RANBP9: variants seen among roughly 807,000 people sequenced by gnomAD.
RANBP9 encodes RAN binding protein 9.
Under a neutral mutation model 84.3 loss-of-function variants are expected in RANBP9, and 15 were observed. That is an observed-to-expected ratio of 0.18 (90% CI 0.12 to 0.27). The LOEUF (loss-of-function observed/expected upper bound fraction) is 0.27, where lower values mean the gene tolerates loss of function less well. Ranked by LOEUF, RANBP9 falls within the 10% of genes least tolerant of loss-of-function variation. The pLI is 1.00. For synonymous variants in RANBP9, 392 were observed against 349.6 expected (o/e 1.12, Z -1.35); for missense variants, 809 against 912.8 (o/e 0.89, Z 1.46).
chr6:13,639,720 T>C lies in RANBP9; in HGVS notation c.1368A>G (p.Thr456=). The change falls in exon 9 of 14, where the codon ACA becomes ACG. Residue 456 remains threonine (T), a synonymous_variant. Transcript: ENST00000011619. ...CTCCCAAACATCGTACTTCACTATC[T>C]GTACCATTCACCATTTCTATAAACT... ...VRQFIEMVNG[T]DSEVRCLGGR... 1 of 1,614,108 alleles carries C rather than the reference T, an allele frequency of 6.2e-7. No individual in the cohort carries two copies. Among genetic ancestry groups the C allele is most frequent in the Non-Finnish European group, 8.5e-7 (1 of 1,179,972 alleles).
intron 1 of RANBP9, among the ~76,000 whole-genome samples, chr6:13,705,549 T>C (rs1242292562): frequency 6.6e-6 from 1 of 151,992 alleles, no homozygotes; most frequent in Non-Finnish European, 1.5e-5. Flanking sequence ...CAAGTAATTC[T>C]TCAATTCCTT....
chr6:13,658,904 T>C, intron 2 of RANBP9, 72 bp from the exon 3 acceptor site: 2 of 1,408,680 alleles, frequency 1.4e-6, no homozygotes, highest in Non-Finnish European at 2.0e-6. Context: ...TACCAAACAG[T>C]CTCAAACAAT....
intron 5 of RANBP9, among the ~76,000 whole-genome samples, chr6:13,651,247 G>C (rs1765288773): frequency 6.6e-6 from 1 of 152,032 alleles, no homozygotes; most frequent in Admixed American, 6.6e-5. Flanking sequence ...ACAGTGCCTT[G>C]GGTTTGGTAA....
chr6:13,632,400 G>T lies in RANBP9; in HGVS notation c.1917C>A (p.Gly639=). ...ACATTTTTTTGTTTGCAGTGTTCTT[G>T]CCACAGTCTCTCCTTAGCTGTTCAC... The part of the protein sequence containing the change: ...AMSEQLRRDC[G]KNTANKKMLK... The change falls in exon 12 of 14, where the codon GGC becomes GGA. Residue 639 remains glycine (G), a synonymous_variant. Coordinates refer to ENST00000011619, the MANE Select transcript of RANBP9 (RefSeq NM_005493.3). 6.2e-7 allele frequency: 1 copy of T among 1,612,546 alleles called. No individual in the cohort carries two copies. Among genetic ancestry groups the T allele is most frequent in the South Asian group, 1.1e-5 (1 of 90,818 alleles).
chr6:13,691,511 C>T (rs1766321110), intron 2 of RANBP9, among the ~76,000 whole-genome samples: 1 of 152,166 alleles, frequency 6.6e-6, no homozygotes, highest in South Asian at 2.1e-4. Flanking sequence ...AATACATTAA[C>T]ACCAGTTCTT....
chr6:13,696,957 C>T, intron 1 of RANBP9, 61 bp from the exon 2 acceptor site: 1 of 1,364,906 alleles, frequency 7.3e-7, no homozygotes, highest in South Asian at 1.2e-5. Context: ...AGATGAAAAC[C>T]TTAAACAATT....
intron 2 of RANBP9, among the ~76,000 whole-genome samples, chr6:13,673,178 A>G (rs1765813576): frequency 6.6e-6 from 1 of 152,172 alleles, no homozygotes; most frequent in Non-Finnish European, 1.5e-5. Context: ...ACTCTATATA[A>G]AAGAAGGGCA....
chr6:13,641,509 T>C (rs929936859), intron 7 of RANBP9, among the ~76,000 whole-genome samples: 14 of 146,026 alleles, frequency 9.6e-5, no homozygotes, highest in African/African-American at 3.4e-4. Context: ...ACAAGTACGG[T>C]CACAAATTTT....
chr6:13,701,475 A>G (rs1392742482), intron 1 of RANBP9, among the ~76,000 whole-genome samples: 1 of 152,110 alleles, frequency 6.6e-6, no homozygotes, highest in East Asian at 1.9e-4. Flanking sequence ...ACCTCTTATC[A>G]AGAAAACAGG....
intron 1 of RANBP9, among the ~76,000 whole-genome samples, chr6:13,705,497 T>C (rs934751665): frequency 2.3e-4 from 35 of 151,538 alleles, no homozygotes; most frequent in Non-Finnish European, 2.1e-4. Context: ...ATTCTTGCAG[T>C]TACCAACTGG....
At chr6:13,635,659 T>C (rs1171761777) in intron 10 of RANBP9, among the ~76,000 whole-genome samples, 1 of 150,290 alleles carries the variant, frequency 6.7e-6, no homozygotes, top group Non-Finnish European at 1.5e-5. Context: ...AAGGGGGATA[T>C]GGCCCTACGA....
intron 2 of RANBP9, among the ~76,000 whole-genome samples, chr6:13,692,828 G>A (rs765896199): frequency 1.3e-5 from 2 of 152,180 alleles, no homozygotes; most frequent in Non-Finnish European, 2.9e-5. Context: ...ACTCCAGCCT[G>A]GGCAACAGAG....
intron 2 of RANBP9, among the ~76,000 whole-genome samples, chr6:13,687,859 G>A (rs1298832160): frequency 6.6e-6 from 1 of 152,086 alleles, no homozygotes; most frequent in African/African-American, 2.4e-5. Flanking sequence ...CTTAAAACTA[G>A]CACCTGAAAG....
At position 13,675,908 on chromosome 6, in the gene RANBP9, C is replaced by T. The variant is rs141356085; in HGVS notation, c.684-17076G>A. 1.4e-3 allele frequency among the ~76,000 whole-genome samples: 210 copies of T among 151,724 alleles called. 2 individuals are homozygous for T. The highest frequency in any genetic ancestry group is 4.9e-3 in the African/African-American group (203 of 41,352). ...GATGAAATGGATTTCAAGGCAATTC[C>T]CTGAAAGATATAATTTATCAAAACA... On this transcript the variant is annotated intron_variant, in intron 2 of 13. Transcript: ENST00000011619.
chr6:13,678,253 G>C (rs1229164654), intron 2 of RANBP9, among the ~76,000 whole-genome samples: 1 of 152,076 alleles, frequency 6.6e-6, no homozygotes, highest in African/African-American at 2.4e-5. Flanking sequence ...AAATAATAAA[G>C]AACCAAAAGG....
intron 12 of RANBP9, among the ~76,000 whole-genome samples, chr6:13,626,631 T>C (rs1254941306): frequency 6.6e-6 from 1 of 152,180 alleles, no homozygotes; most frequent in Middle Eastern, 3.2e-3. Context: ...TATACAAATA[T>C]AAAAATAGAG....
At chr6:13,624,315 T>TC (rs1764538978) in intron 13 of RANBP9, among the ~76,000 whole-genome samples, 1 of 152,216 alleles carries the variant, frequency 6.6e-6, no homozygotes, top group African/African-American at 2.4e-5. Context: ...GTCCTGGCCC[T>TC]CATTGCAAGT....
intron 2 of RANBP9, among the ~76,000 whole-genome samples, chr6:13,682,560 C>T (rs1486661815): frequency 6.6e-6 from 1 of 152,062 alleles, no homozygotes; most frequent in East Asian, 1.9e-4. Flanking sequence ...TCAAGCGATT[C>T]TCCAGCCTCA....
intron 1 of RANBP9, among the ~76,000 whole-genome samples, chr6:13,704,466 A>C (rs535204624): frequency 4.6e-5 from 7 of 152,064 alleles, no homozygotes; most frequent in African/African-American, 1.4e-4. Context: ...CCTTCTCTAC[A>C]AAAAAATACA....
Sources: allele counts gnomAD v4.1 joint callset (sites outside exome capture counted in the v4.1 genomes callset), GRCh38; gene constraint gnomAD v4.1.1; transcripts MANE v1.5; gene names NCBI Gene and HGNC (gene_info 2026-07-23, HGNC 2026-07-21).